Variants in CNTN4 observed in about 807,000 individuals in gnomAD.
CNTN4 encodes contactin 4.
CNTN4 carries 77 observed loss-of-function variants against 122.5 expected under a neutral mutation model. The observed-to-expected ratio is 0.63, with a 90% CI of 0.52 to 0.76. The LOEUF (loss-of-function observed/expected upper bound fraction) is 0.76. Among genes scored for constraint, CNTN4 ranks in the 30% least tolerant of loss-of-function variants. The pLI, the probability that CNTN4 is intolerant of heterozygous loss-of-function variation, is 0.00. For missense variants in CNTN4, 1,256 were observed against 1,259.1 expected, an observed-to-expected ratio of 1.00 and a Z score of 0.04; for synonymous variants, 512 against 447.0, an observed-to-expected ratio of 1.15 and a Z score of -1.83.
chr3:2,540,835 A>G (rs1036012692), intron 3 of CNTN4, among the ~76,000 whole-genome samples: 2 of 152,140 alleles, frequency 1.3e-5, no homozygotes, highest in Non-Finnish European at 2.9e-5. Context: ...TTGCCAATTA[A>G]TAGAGAGGAG....
chr3:2,633,994 T>C (rs2082551811), intron 4 of CNTN4, among the ~76,000 whole-genome samples: 1 of 152,244 alleles, frequency 6.6e-6, no homozygotes, highest in Non-Finnish European at 1.5e-5. Context: ...AATGATATCC[T>C]ATCCCTTACA....
chr3:2,600,097 A>AT (rs34926549), intron 4 of CNTN4, among the ~76,000 whole-genome samples: 28,425 of 122,192 alleles, frequency 0.23, 3,899 homozygotes, highest in African/African-American at 0.43. Flanking sequence ...AACATTCAGT[A>AT]TTTTTTTAAA....
intron 15 of CNTN4, among the ~76,000 whole-genome samples, chr3:3,028,291 T>C (rs1698897214): frequency 6.6e-6 from 1 of 152,144 alleles, no homozygotes; most frequent in South Asian, 2.1e-4. Context: ...GTTGTTTTCT[T>C]TGGTAGGAAC....
intron 2 of CNTN4, among the ~76,000 whole-genome samples, chr3:2,296,459 G>C (rs115786654): frequency 0.016 from 2,443 of 149,944 alleles, 65 homozygotes; most frequent in African/African-American, 0.058. Flanking sequence ...TTCAGTGGAA[G>C]TTACTAAAGA....
intron 2 of CNTN4, among the ~76,000 whole-genome samples, chr3:2,205,643 A>C (rs1023165112): frequency 1.3e-5 from 2 of 152,126 alleles, no homozygotes; most frequent in Non-Finnish European, 2.9e-5. Flanking sequence ...ATGGCCATTT[A>C]GTAATGAATG....
In CNTN4 at chr3:2,411,700, T is replaced by C. The variant is rs77951717; in HGVS notation, c.-89+72467T>C. The stretch of plus-strand genomic sequence containing the variant: ...TCTTCCTTTCCTTTATAATAAAAAA[T>C]CAAGTTATTGGAAAAAGTATTGAGT... On this transcript the variant is annotated intron_variant, in intron 3 of 24. Coordinates refer to ENST00000418658, the MANE Select transcript of CNTN4 (RefSeq NM_175607.3). Among the ~76,000 whole-genome samples, 716 of 152,284 alleles carry C rather than the reference T, an allele frequency of 4.7e-3. 8 individuals carry two copies. Among genetic ancestry groups the C allele is most frequent in the African/African-American group, 0.017 (700 of 41,566 alleles).
rs183505466 is a variant in CNTN4, at chr3:2,898,602, A to G, written c.941-2083A>G. 2.0e-5 allele frequency among the ~76,000 whole-genome samples: 3 copies of G among 152,354 alleles called. No individual in the cohort carries two copies. The East Asian group carries it at 5.8e-4, about 29-fold the overall frequency. On this transcript the variant is annotated intron_variant, in intron 10 of 24. Transcript: ENST00000418658. ...CTTTCTGCATTTTTGCAAAAAAGCA[A>G]TAAGAAAGCCCAAGTGTTACAGGAA...
intron 2 of CNTN4, among the ~76,000 whole-genome samples, chr3:2,210,280 A>T (rs2038555498): frequency 6.6e-6 from 1 of 152,316 alleles, no homozygotes; most frequent in African/African-American, 2.4e-5. Flanking sequence ...ACATAAAAGT[A>T]TATGCATGAT....
intron 2 of CNTN4, among the ~76,000 whole-genome samples, chr3:2,301,815 C>A (rs2042536803): frequency 6.6e-6 from 1 of 152,190 alleles, no homozygotes. Flanking sequence ...CTGGCTTCCC[C>A]TGTCTTTAAA....
At chr3:2,936,754 C>T (rs1165036335) in intron 13 of CNTN4, among the ~76,000 whole-genome samples, 2 of 152,170 alleles carry the variant, frequency 1.3e-5, no homozygotes, top group African/African-American at 4.8e-5. Context: ...TGTGTTTGTA[C>T]AGTTGGCAAG....
intron 3 of CNTN4, among the ~76,000 whole-genome samples, chr3:2,514,438 G>C (rs1284292121): frequency 6.6e-6 from 1 of 151,486 alleles, no homozygotes; most frequent in East Asian, 1.9e-4. Flanking sequence ...AGGAGTTTGA[G>C]GCCAGCCTGG....
intron 7 of CNTN4, among the ~76,000 whole-genome samples, chr3:2,827,002 C>T (rs965365009): frequency 6.6e-6 from 1 of 152,166 alleles, no homozygotes; most frequent in Non-Finnish European, 1.5e-5. Flanking sequence ...CCACTCTAAA[C>T]CTCCAACCAT....
chr3:2,971,756 C>A (rs548299195), intron 13 of CNTN4, among the ~76,000 whole-genome samples: 2 of 152,288 alleles, frequency 1.3e-5, no homozygotes, highest in Non-Finnish European at 2.9e-5. Context: ...TTTTAAGATT[C>A]TCTTTCTTGA....
intron 3 of CNTN4, among the ~76,000 whole-genome samples, chr3:2,363,307 G>A (rs2045237090): frequency 6.6e-6 from 1 of 152,206 alleles, no homozygotes; most frequent in Admixed American, 6.5e-5. Flanking sequence ...GGCTAAGCCT[G>A]TCACCTCTCT....
intron 2 of CNTN4, among the ~76,000 whole-genome samples, chr3:2,202,351 G>T (rs2038138317): frequency 6.6e-6 from 1 of 152,130 alleles, no homozygotes; most frequent in Non-Finnish European, 1.5e-5. Flanking sequence ...AACCATGGGG[G>T]TGGGAGTTAC....
chr3:2,353,998 A>G (rs2044760392), intron 3 of CNTN4, among the ~76,000 whole-genome samples: 1 of 152,222 alleles, frequency 6.6e-6, no homozygotes. Flanking sequence ...CATATGAAAT[A>G]CTAGGTACTT....
intron 3 of CNTN4, among the ~76,000 whole-genome samples, chr3:2,537,213 C>T (rs2077846004): frequency 6.6e-6 from 1 of 152,058 alleles, no homozygotes; most frequent in Non-Finnish European, 1.5e-5. Context: ...TGAAGTCACA[C>T]AGACAGTTGG....
chr3:2,470,180 A>AG (rs2075636092), intron 3 of CNTN4, among the ~76,000 whole-genome samples: 2 of 151,932 alleles, frequency 1.3e-5, no homozygotes, highest in South Asian at 2.1e-4. Flanking sequence ...AGGTTCAAGC[A>AG]ATTCTTCTGC....
chr3:2,298,437 A>C (rs141780385), intron 2 of CNTN4, among the ~76,000 whole-genome samples: 1 of 152,152 alleles, frequency 6.6e-6, no homozygotes, highest in Non-Finnish European at 1.5e-5. Flanking sequence ...GAATTTTCAG[A>C]AAATAGTTTC....
Sources: gnomAD v4.1 joint callset for allele counts (sites outside exome capture counted in the v4.1 genomes callset) on GRCh38, gnomAD v4.1.1 for gene constraint, MANE v1.5 for transcripts, NCBI Gene and HGNC (gene_info 2026-07-23, HGNC 2026-07-21) for gene names.